The following ABCB1 variants were observed in gnomAD, a reference collection of about 807,000 sequenced individuals.
ABCB1 encodes ATP-dependent translocase ABCB1.
ABCB1 carries 69 observed loss-of-function variants against 142.0 expected under a neutral mutation model. That is an observed-to-expected ratio of 0.49 (90% CI 0.40 to 0.59). The LOEUF is 0.59. Ranked by LOEUF, ABCB1 falls within the 20% of genes least tolerant of loss-of-function variation. ABCB1 has a pLI of 0.00. For missense variants in ABCB1, 1,326 were observed against 1,554.7 expected, an observed-to-expected ratio of 0.85 and a Z score of 2.47; for synonymous variants, 532 against 539.2, an observed-to-expected ratio of 0.99 and a Z score of 0.18.
chr7:87,713,126 A>C (rs1404789868), intron 1 of ABCB1: 3 of 152,178 alleles, frequency 2.0e-5, no homozygotes, highest in Non-Finnish European at 4.4e-5. Flanking sequence ...AGATTTGTAA[A>C]ATACAAACAA....
intron 4 of ABCB1, among the ~76,000 whole-genome samples, chr7:87,578,177 G>A (rs1311578003): frequency 6.6e-6 from 1 of 152,134 alleles, no homozygotes; most frequent in Non-Finnish European, 1.5e-5. Context: ...TGAAGAGACG[G>A]TCTTTTCCCC....
At chr7:87,508,023 T>C (rs910815002) in intron 26 of ABCB1, among the ~76,000 whole-genome samples, 2 of 152,102 alleles carry the variant, frequency 1.3e-5, no homozygotes, top group Non-Finnish European at 2.9e-5. Context: ...AAACTACCTA[T>C]TGGGTTCTGT....
chr7:87,519,449 G>A lies in ABCB1; in HGVS notation c.2804C>T (p.Ala935Val). 6.2e-7 allele frequency: 1 copy of A among 1,613,988 alleles called. No individual in the cohort carries two copies. The highest frequency in any genetic ancestry group is 1.3e-5 in the African/African-American group (1 of 75,042). The change falls in exon 23 of 28, where the codon GCA becomes GTA. Residue 935 changes from alanine to valine, a missense_variant. By Grantham distance (64) the Ala-to-Val change is moderately conservative. Coordinates refer to ENST00000622132, the MANE Select transcript of ABCB1 (RefSeq NM_001348946.2). ...QVPYRNSLRK[A>V]HIFGITFSFT... is the part of the protein sequence containing the mutation. ...GGAAAATGTAATTCCAAAGATGTGT[G>A]CTTTCCTCAAAGAGTTTCTGAAAAG...
chr7:87,629,972 T>A (rs1821042747), intron 1 of ABCB1, among the ~76,000 whole-genome samples: 1 of 151,868 alleles, frequency 6.6e-6, no homozygotes, highest in Non-Finnish European at 1.5e-5. Flanking sequence ...CAGAGATAAC[T>A]GGTTTTTAAC....
At chr7:87,539,844 C>T (rs1816454943) in intron 18 of ABCB1, among the ~76,000 whole-genome samples, 3 of 152,306 alleles carry the variant, frequency 2.0e-5, no homozygotes, top group Admixed American at 2.0e-4. Context: ...GAAGGTAGTC[C>T]TCTAACTTCT....
At chr7:87,576,431 T>C (rs910009374) in intron 4 of ABCB1, among the ~76,000 whole-genome samples, 1 of 149,338 alleles carries the variant, frequency 6.7e-6, no homozygotes, top group African/African-American at 2.4e-5. Context: ...AAGTATATAT[T>C]ATATATAAAA....
intron 21 of ABCB1, among the ~76,000 whole-genome samples, chr7:87,528,849 T>C (rs1004903036): frequency 6.6e-6 from 1 of 152,120 alleles, no homozygotes; most frequent in African/African-American, 2.4e-5. Context: ...ATGAATAACG[T>C]AAAGTCAGCC....
Position 87,561,329 on chromosome 7 carries a change from G to T in ABCB1, c.761C>A (p.Ala254Asp). The T allele has an allele frequency of 1.2e-6, 2 of 1,613,910 alleles. No individual in the cohort carries two copies. Among genetic ancestry groups the T allele is most frequent in the Non-Finnish European group, 1.7e-6 (2 of 1,179,912 alleles). The change falls in exon 8 of 28, where the codon GCT (alanine) becomes GAT (aspartate). Residue 254 changes from alanine (A) to aspartate (D), a missense_variant. Physicochemically the swap from Ala to Asp is moderately radical, Grantham distance 126. Transcript: ENST00000622132. ...TCTAATTGCTGCCAAGACCTCTTCA[G>T]CTACTGCTCCAGCTTTTGCATACGC... Reference protein sequence around the residue: ...LLAYAKAGAVAEEVLAAIRTV... With the variant: ...LLAYAKAGAVDEEVLAAIRTV...
At chr7:87,599,999 C>T in intron 2 of ABCB1, 118 bp downstream of exon 2, 1 of 1,022,368 alleles carries the variant, frequency 9.8e-7, no homozygotes, top group Non-Finnish European at 1.5e-6. Flanking sequence ...GGCTAGCTTG[C>T]GTTTCTTAAA....
At position 87,561,399 on chromosome 7, in the gene ABCB1, T is replaced by C. The variant is rs755925036; in HGVS notation, c.703-12A>G. 2 of 1,607,742 alleles carry C rather than the reference T, an allele frequency of 1.2e-6. No homozygotes were observed. The highest frequency in any genetic ancestry group is 2.7e-5 in the African/African-American group (2 of 74,726). ...AATGAAGATAGTATCTGTTTAAAAA[T>C]ACAATTTTGGATCATGAAAAAAACA... On this transcript the variant is annotated splice_polypyrimidine_tract_variant and intron_variant, in intron 7 of 27. Transcript: ENST00000622132.
chr7:87,693,831 A>G (rs1828233871), intron 1 of ABCB1: 2 of 1,399,730 alleles, frequency 1.4e-6, no homozygotes, highest in East Asian at 2.3e-5. Context: ...TAGTTGGGCT[A>G]TTCAGTTTGG....
chr7:87,566,545 T>C (rs41297354), intron 6 of ABCB1, among the ~76,000 whole-genome samples: 1 of 152,208 alleles, frequency 6.6e-6, no homozygotes, highest in East Asian at 1.9e-4. Flanking sequence ...CTCAGAGGAT[T>C]TCTTCATTCT....
intron 4 of ABCB1, among the ~76,000 whole-genome samples, chr7:87,571,672 T>C (rs758266037): frequency 3.9e-5 from 6 of 152,220 alleles, no homozygotes; most frequent in Non-Finnish European, 5.9e-5. Context: ...CAAAAAGAGC[T>C]ACCCTGGTCA....
chr7:87,536,344 T>A, intron 20 of ABCB1, 114 bp downstream of exon 20: 1 of 910,660 alleles, frequency 1.1e-6, no homozygotes, highest in South Asian at 1.4e-5. Context: ...GGTTAGATAT[T>A]TATTCAACAT....
intron 1 of ABCB1, among the ~76,000 whole-genome samples, chr7:87,710,025 C>G (rs1829926648): frequency 6.6e-6 from 1 of 152,052 alleles, no homozygotes; most frequent in Non-Finnish European, 1.5e-5. Flanking sequence ...TTAGAATTCT[C>G]TGGGGACACC....
intron 1 of ABCB1, among the ~76,000 whole-genome samples, chr7:87,653,859 T>C (rs1219577687): frequency 6.6e-6 from 1 of 152,020 alleles, no homozygotes; most frequent in Admixed American, 6.6e-5. Context: ...TTCTCAGAGC[T>C]GAGTAAAGTG....
intron 1 of ABCB1, among the ~76,000 whole-genome samples, chr7:87,616,932 G>T (rs1231854680): frequency 1.3e-5 from 2 of 152,146 alleles, no homozygotes; most frequent in Admixed American, 1.3e-4. Flanking sequence ...CTTCATCTAA[G>T]AGATAGCAAG....
intron 20 of ABCB1, among the ~76,000 whole-genome samples, chr7:87,535,387 T>C (rs530048079): frequency 2.0e-5 from 3 of 150,980 alleles, no homozygotes; most frequent in Admixed American, 1.3e-4. Flanking sequence ...CAGGCTGGAG[T>C]GCAGTGGTGC....
At chr7:87,628,552 G>A (rs548808913) in intron 1 of ABCB1, 313 of 314,000 alleles carry the variant, frequency 1.0e-3, no homozygotes, top group African/African-American at 6.4e-3. Context: ...GGCAGTCGGC[G>A]GCGCGCCGAG....
Sources: gnomAD v4.1 joint callset for allele counts (sites outside exome capture counted in the v4.1 genomes callset) on GRCh38, gnomAD v4.1.1 for gene constraint, MANE v1.5 for transcripts, NCBI Gene and HGNC (gene_info 2026-07-23, HGNC 2026-07-21) for gene names.